The following REC114 variants were observed in gnomAD, a reference collection of about 807,000 sequenced individuals.
REC114 encodes REC114 meiotic recombination protein.
Under a neutral mutation model 31.3 loss-of-function variants are expected in REC114, and 27 were observed. The observed-to-expected ratio is 0.86, with a 90% confidence interval of 0.64 to 1.19. The LOEUF (loss-of-function observed/expected upper bound fraction) is 1.19, where lower values mean the gene tolerates loss of function less well. REC114 is among the 50% of genes most tolerant of loss of function. The probability of loss-of-function intolerance (pLI) is 0.00; values close to 1 mark genes in which losing one functional copy is unlikely to be tolerated. For synonymous variants in REC114, 134 were observed against 127.7 expected (o/e 1.05, Z -0.33); for missense variants, 344 against 326.9 (o/e 1.05, Z -0.40).
chr15:73,449,709 G>A (rs1425634707), intron 1 of REC114, among the ~76,000 whole-genome samples: 2 of 152,034 alleles, frequency 1.3e-5, no homozygotes, highest in African/African-American at 4.8e-5. Context: ...TACACACCAA[G>A]GTTGAAATGA....
At chr15:73,551,207 G>T in intron 4 of REC114, 57 bp downstream of exon 4, 1 of 1,475,288 alleles carries the variant, frequency 6.8e-7, no homozygotes, top group South Asian at 1.2e-5. Flanking sequence ...TGCACAATGA[G>T]TGGCCAAAAT....
chr15:73,444,262 G>A (rs1419295310), intron 1 of REC114, among the ~76,000 whole-genome samples: 1 of 152,140 alleles, frequency 6.6e-6, no homozygotes, highest in East Asian at 1.9e-4. Context: ...CTAACTTTCA[G>A]GAAAGATTGC....
intron 2 of REC114, among the ~76,000 whole-genome samples, chr15:73,529,360 G>C (rs1387105778): frequency 2.0e-5 from 3 of 151,992 alleles, no homozygotes; most frequent in Non-Finnish European, 4.4e-5. Flanking sequence ...GGATGGTCTT[G>C]ATCTCCTGAC....
chr15:73,498,914 C>T (rs540784799), intron 2 of REC114, among the ~76,000 whole-genome samples: 307 of 152,198 alleles, frequency 2.0e-3, no homozygotes, highest in African/African-American at 7.2e-3. Context: ...TTGTAAAATC[C>T]TCTTAGACAT....
At chr15:73,533,646 A>C (rs1213788772) in intron 2 of REC114, among the ~76,000 whole-genome samples, 1 of 148,098 alleles carries the variant, frequency 6.8e-6, no homozygotes, top group Non-Finnish European at 1.5e-5. Flanking sequence ...AAAGTCAACA[A>C]GGATACCCAG....
intron 2 of REC114, among the ~76,000 whole-genome samples, chr15:73,487,254 G>A (rs1047475289): frequency 2.0e-5 from 3 of 152,144 alleles, no homozygotes; most frequent in Non-Finnish European, 4.4e-5. Context: ...TTGCATCCCA[G>A]TACCCCCAAA....
At chr15:73,481,477 G>A (rs1893292616) in intron 2 of REC114, among the ~76,000 whole-genome samples, 1 of 151,956 alleles carries the variant, frequency 6.6e-6, no homozygotes, top group Admixed American at 6.6e-5. Context: ...TAGCAAGAAG[G>A]CTGAGATATC....
Position 73,545,379 on chromosome 15 carries a change from C to T in REC114, c.333+4811C>T, listed in dbSNP as rs556740053. Among the ~76,000 whole-genome samples the T allele has an allele frequency of 4.6e-5, 7 of 152,272 alleles. No individual in the cohort carries two copies. The South Asian group carries it at 1.4e-3, about 32-fold the overall frequency. The stretch of plus-strand genomic sequence containing the variant: ...TTTTAATTATGGCATAAAAATAAAT[C>T]TCATCAAGACTTTCAATCTTTAGCA... On this transcript the variant is annotated intron_variant, in intron 3 of 5. Coordinates refer to ENST00000331090, the MANE Select transcript of REC114 (RefSeq NM_001042367.2).
chr15:73,508,080 T>G (rs1331425754), intron 2 of REC114, among the ~76,000 whole-genome samples: 2 of 152,112 alleles, frequency 1.3e-5, no homozygotes, highest in South Asian at 2.1e-4. Flanking sequence ...TGGTTGGTTG[T>G]TCTTCTTGTT....
intron 2 of REC114, among the ~76,000 whole-genome samples, chr15:73,489,346 G>A (rs1322985953): frequency 6.6e-6 from 1 of 151,842 alleles, no homozygotes; most frequent in African/African-American, 2.4e-5. Flanking sequence ...TGGGATTATA[G>A]GCAGGTGCAA....
At chr15:73,508,192 T>C (rs1219856420) in intron 2 of REC114, among the ~76,000 whole-genome samples, 2 of 152,188 alleles carry the variant, frequency 1.3e-5, no homozygotes, top group African/African-American at 4.8e-5. Flanking sequence ...GTTTGTTGAA[T>C]GAATAAATGA....
At position 73,480,074 on chromosome 15, in the gene REC114, T is replaced by A. The variant is rs187379084; in HGVS notation, c.249+6153T>A. On this transcript the variant is annotated intron_variant, in intron 2 of 5. Coordinates refer to ENST00000331090, the MANE Select transcript of REC114 (RefSeq NM_001042367.2). ...ACCAACATTGTACAAGGATTGCTTT[T>A]TCTCCATATTCTCACCAATACCTCT... is the stretch of plus-strand genomic sequence containing the variant. 4.5e-3 allele frequency among the ~76,000 whole-genome samples: 689 copies of A among 152,264 alleles called. 25 individuals carry two copies. The highest frequency in any genetic ancestry group is 0.041 in the Admixed American group (620 of 15,300).
At chr15:73,496,351 CAAAAAAAAAAA>C (rs539098846) in intron 2 of REC114, among the ~76,000 whole-genome samples, 25 of 20,514 alleles carry the variant, frequency 1.2e-3, no homozygotes, top group Non-Finnish European at 2.1e-3. Context: ...GACTCCTTCT[CAAAAAAAAAAA>C]AAAAAAAAAA....
At chr15:73,514,452 C>T (rs140220739) in intron 2 of REC114, among the ~76,000 whole-genome samples, 12 of 152,206 alleles carry the variant, frequency 7.9e-5, no homozygotes, top group African/African-American at 2.6e-4. Flanking sequence ...TCCTATTCGG[C>T]CATCTTGGCT....
chr15:73,514,142 C>A (rs1197609906), intron 2 of REC114, among the ~76,000 whole-genome samples: 2 of 152,030 alleles, frequency 1.3e-5, no homozygotes, highest in African/African-American at 2.4e-5. Flanking sequence ...GATATAGTCT[C>A]GTGGTGCGCC....
intron 4 of REC114, among the ~76,000 whole-genome samples, chr15:73,551,487 T>C (rs1039937953): frequency 6.6e-6 from 1 of 151,780 alleles, no homozygotes; most frequent in African/African-American, 2.4e-5. Flanking sequence ...CCTTTTTCAC[T>C]GTGTCAACAT....
intron 2 of REC114, among the ~76,000 whole-genome samples, chr15:73,490,018 A>T (rs1187189553): frequency 2.0e-5 from 3 of 152,212 alleles, no homozygotes; most frequent in Non-Finnish European, 4.4e-5. Flanking sequence ...GAATCTCAGG[A>T]TAGCTTTTGC....
intron 1 of REC114, among the ~76,000 whole-genome samples, chr15:73,468,469 T>G (rs945199971): frequency 1.3e-5 from 2 of 152,174 alleles, no homozygotes; most frequent in Admixed American, 1.3e-4. Flanking sequence ...TCTAGTAAAA[T>G]CAACTGGATT....
intron 2 of REC114, among the ~76,000 whole-genome samples, chr15:73,494,591 G>C (rs775759161): frequency 1.3e-5 from 2 of 151,442 alleles, no homozygotes; most frequent in Non-Finnish European, 2.9e-5. Flanking sequence ...GTATTAAAAA[G>C]AAATGTACCT....
Sources: allele counts gnomAD v4.1 joint callset (sites outside exome capture counted in the v4.1 genomes callset), GRCh38; gene constraint gnomAD v4.1.1; transcripts MANE v1.5; gene names NCBI Gene and HGNC (gene_info 2026-07-23, HGNC 2026-07-21).